Variants in ACSM1 observed in about 807,000 individuals in gnomAD.
ACSM1 encodes the protein acyl-coenzyme A synthetase ACSM1, mitochondrial.
In ACSM1, 79 loss-of-function variants were observed where a neutral mutation model predicts 75.8. The observed-to-expected ratio is 1.04, with a 90% CI of 0.87 to 1.26. The LOEUF (loss-of-function observed/expected upper bound fraction) is 1.26. ACSM1 is among the 50% of genes most tolerant of loss of function. The pLI is 0.00. For missense variants in ACSM1, 676 were observed against 720.1 expected, an observed-to-expected ratio of 0.94 and a Z score of 0.70; for synonymous variants, 279 against 265.8, an observed-to-expected ratio of 1.05 and a Z score of -0.48.
At chr16:20,626,475 A>G (rs2016931541) in intron 11 of ACSM1, among the ~76,000 whole-genome samples, 1 of 152,146 alleles carries the variant, frequency 6.6e-6, no homozygotes, top group Admixed American at 6.5e-5. Context: ...GGGTAGGGAC[A>G]GGGACTCAGA....
intron 10 of ACSM1, among the ~76,000 whole-genome samples, chr16:20,633,574 T>C (rs899327906): frequency 2.0e-5 from 3 of 152,184 alleles, no homozygotes. Flanking sequence ...TATTGGAGAC[T>C]TAATATTAAG....
intron 4 of ACSM1, among the ~76,000 whole-genome samples, chr16:20,675,714 G>C (rs943883381): frequency 1.2e-4 from 18 of 152,348 alleles, no homozygotes; most frequent in African/African-American, 4.1e-4. Context: ...TAAATTGGCT[G>C]TGTGTTTTAA....
intron 7 of ACSM1, among the ~76,000 whole-genome samples, chr16:20,646,858 C>T (rs915095242): frequency 6.6e-6 from 1 of 151,888 alleles, no homozygotes; most frequent in Non-Finnish European, 1.5e-5. Flanking sequence ...GCCATTAGGC[C>T]CCAAAATTCT....
intron 8 of ACSM1, among the ~76,000 whole-genome samples, chr16:20,639,794 A>G (rs779821841): frequency 6.6e-6 from 1 of 152,174 alleles, no homozygotes; most frequent in Non-Finnish European, 1.5e-5. Flanking sequence ...CATCATGACT[A>G]TCCAGAAGGG....
At chr16:20,661,931 A>T in intron 6 of ACSM1, 58 bp from the exon 7 acceptor site, 1 of 1,162,644 alleles carries the variant, frequency 8.6e-7, no homozygotes, top group East Asian at 2.4e-5. Flanking sequence ...ACTAACAGCC[A>T]ATTATTAGCA....
At chr16:20,670,159 C>G (rs942928978) in intron 5 of ACSM1, among the ~76,000 whole-genome samples, 173 bp from the exon 6 acceptor site, 3 of 152,166 alleles carry the variant, frequency 2.0e-5, no homozygotes, top group African/African-American at 7.2e-5. Context: ...CCAAATATTT[C>G]CCAATTACGT....
intron 10 of ACSM1, among the ~76,000 whole-genome samples, 170 bp from the exon 11 acceptor site, chr16:20,627,486 G>A (rs973292869): frequency 2.0e-5 from 3 of 152,112 alleles, no homozygotes; most frequent in Admixed American, 1.3e-4. Context: ...TGATGCATGC[G>A]ACTGCTCTAT....
At chr16:20,667,245 T>C (rs1015947724) in intron 6 of ACSM1, among the ~76,000 whole-genome samples, 5 of 152,190 alleles carry the variant, frequency 3.3e-5, no homozygotes, top group South Asian at 2.1e-4. Context: ...TTTAAGTTAT[T>C]TGTAGACTCT....
intron 7 of ACSM1, among the ~76,000 whole-genome samples, chr16:20,644,614 GT>G (rs1486846299): frequency 1.3e-5 from 2 of 151,548 alleles, no homozygotes; most frequent in African/African-American, 2.4e-5. Flanking sequence ...GGAAACTCTT[GT>G]AGAAGCAGAG....
At chr16:20,687,065 C>T (rs961760602) in intron 2 of ACSM1, among the ~76,000 whole-genome samples, 2 of 151,452 alleles carry the variant, frequency 1.3e-5, no homozygotes, top group South Asian at 2.1e-4. Context: ...CCAACTCCCA[C>T]CTCTTCTCTC....
chr16:20,647,393 C>T (rs778220487), intron 7 of ACSM1, among the ~76,000 whole-genome samples: 2 of 152,174 alleles, frequency 1.3e-5, no homozygotes, highest in Non-Finnish European at 2.9e-5. Flanking sequence ...CTCTTTTCTA[C>T]CTGAATACAA....
chr16:20,694,132 C>T (rs1389560275), intron 1 of ACSM1, among the ~76,000 whole-genome samples: 1 of 152,226 alleles, frequency 6.6e-6, no homozygotes, highest in Non-Finnish European at 1.5e-5. Flanking sequence ...TCACGAGTTA[C>T]TTCCTCTTTC....
At position 20,695,214 on chromosome 16, in the gene ACSM1, C is replaced by T. The variant is rs527766363; in HGVS notation, c.-52+2422G>A. Among the ~76,000 whole-genome samples, 5 of 152,276 alleles carry T rather than the reference C, an allele frequency of 3.3e-5. No individual in the cohort carries two copies. In the East Asian group the frequency reaches 9.6e-4, roughly 29 times the overall value. ...GGCCCTAGAGATCAAACAACACGGG[C>T]TCAAATTCCAGCACTTTCATTTCCC... On this transcript the variant is annotated intron_variant, in intron 1 of 13. Transcript: ENST00000520010.
intron 10 of ACSM1, among the ~76,000 whole-genome samples, chr16:20,627,875 T>TATAA (rs1567242240): frequency 1.1e-4 from 1 of 9,060 alleles, no homozygotes; most frequent in African/African-American, 2.3e-4. Context: ...TATACATATA[T>TATAA]ATATATATAT....
At position 20,625,504 on chromosome 16, in the gene ACSM1, T is replaced by C; in HGVS notation, c.1446A>G (p.Ala482=). The change falls in exon 12 of 14, where the codon GCA becomes GCG. Residue 482 remains alanine, a synonymous_variant. Transcript: ENST00000520010. The stretch of plus-strand genomic sequence containing the variant: ...GCTCCACCAAAGCGCTTTCAACCTC[T>C]GCAGGCCCGATGCGATACCTGGAGG... ...INASGYRIGP[A]EVESALVEHP... 1 of 1,614,124 alleles carries C rather than the reference T, an allele frequency of 6.2e-7. No individual in the cohort carries two copies.
chr16:20,653,384 G>C (rs2018762052), intron 7 of ACSM1, among the ~76,000 whole-genome samples: 1 of 152,178 alleles, frequency 6.6e-6, no homozygotes, highest in Admixed American at 6.5e-5. Flanking sequence ...ATTCAACATA[G>C]TGTTGGAAGT....
intron 7 of ACSM1, 69 bp from the exon 8 acceptor site, chr16:20,640,653 C>T: frequency 6.2e-7 from 1 of 1,601,766 alleles, no homozygotes. Flanking sequence ...GCTCTTAAGT[C>T]TGTCACCCAG....
rs561985182 is a variant in ACSM1, at chr16:20,630,530, A to G, written c.1300-3214T>C. Among the ~76,000 whole-genome samples, 3 of 152,354 alleles carry G rather than the reference A, an allele frequency of 2.0e-5. No individual in the cohort carries two copies. The South Asian group carries it at 6.2e-4, about 32-fold the overall frequency. Reference sequence around the variant, plus strand: ...GAGCCCCAAAATACATGAAGCAAACATTGTCAGAATTTAAGGAAGAACTGT... The same window carrying G: ...GAGCCCCAAAATACATGAAGCAAACGTTGTCAGAATTTAAGGAAGAACTGT... On this transcript the variant is annotated intron_variant, in intron 10 of 13. Transcript: ENST00000520010.
intron 5 of ACSM1, among the ~76,000 whole-genome samples, chr16:20,670,850 G>A (rs576222724): frequency 5.3e-5 from 8 of 152,102 alleles, no homozygotes; most frequent in East Asian, 1.9e-4. Context: ...GCCCCTCTTC[G>A]GGTTAATACA....
Sources: allele counts gnomAD v4.1 joint callset (sites outside exome capture counted in the v4.1 genomes callset), GRCh38; gene constraint gnomAD v4.1.1; transcripts MANE v1.5; gene names NCBI Gene and HGNC (gene_info 2026-07-23, HGNC 2026-07-21).